Variants in NBAS observed in about 807,000 individuals in gnomAD.
NBAS encodes the protein NBAS subunit of NRZ tethering complex.
In NBAS, 219 loss-of-function variants were observed where a neutral mutation model predicts 302.5. That is an observed-to-expected ratio of 0.72 (90% CI 0.65 to 0.81). The LOEUF (loss-of-function observed/expected upper bound fraction) is 0.81, where lower values mean the gene tolerates loss of function less well. Among genes scored for constraint, NBAS ranks in the 30% least tolerant of loss-of-function variants. The probability of loss-of-function intolerance (pLI) is 0.00; values close to 1 mark genes in which losing one functional copy is unlikely to be tolerated. For synonymous variants in NBAS, 1,118 were observed against 1,021.6 expected (o/e 1.09, Z -1.80); for missense variants, 2,932 against 2,841.6 (o/e 1.03, Z -0.72).
At chr2:14,964,394 C>G in the NBAS span, among the ~76,000 whole-genome samples, 5 of 152,086 alleles carry the variant, frequency 3.3e-5, no homozygotes, top group Non-Finnish European at 1.5e-5. Flanking sequence ...GGATGAATGG[C>G]AGTTTAGACA....
At chr2:15,158,401 C>A in the NBAS span, among the ~76,000 whole-genome samples, 1 of 152,188 alleles carries the variant, frequency 6.6e-6, no homozygotes, top group Non-Finnish European at 1.5e-5. Context: ...GACACAAAGG[C>A]CCCTGCCTGG....
At chr2:14,913,740 G>C in the NBAS span, among the ~76,000 whole-genome samples, 5 of 152,160 alleles carry the variant, frequency 3.3e-5, no homozygotes, top group Admixed American at 2.6e-4. Context: ...CCCATGAAGA[G>C]TGATGAGGGC....
At chr2:15,131,133 T>C in the NBAS span, among the ~76,000 whole-genome samples, 2 of 152,222 alleles carry the variant, frequency 1.3e-5, no homozygotes, top group African/African-American at 4.8e-5. Context: ...ATCTCTGGAT[T>C]CACAACTCTG....
At chr2:15,184,212 T>C (rs1169034136) in intron 50 of NBAS, among the ~76,000 whole-genome samples, 1 of 152,140 alleles carries the variant, frequency 6.6e-6, no homozygotes, top group Non-Finnish European at 1.5e-5. Context: ...ACATATCAAG[T>C]GGTCCCTATA....
intron 37 of NBAS, 53 bp from the exon 38 acceptor site, chr2:15,327,923 A>T: frequency 1.2e-6 from 2 of 1,606,234 alleles, no homozygotes; most frequent in South Asian, 2.2e-5. Flanking sequence ...TGTCCTACAA[A>T]CATATGCTTA....
the NBAS span, among the ~76,000 whole-genome samples, chr2:15,010,575 GA>G: frequency 6.6e-6 from 1 of 152,148 alleles, no homozygotes; most frequent in African/African-American, 2.4e-5. Context: ...TCCTCAAAGT[GA>G]AACCACCTTT....
the NBAS span, among the ~76,000 whole-genome samples, chr2:15,037,383 C>G: frequency 1.3e-5 from 2 of 150,636 alleles, no homozygotes; most frequent in Non-Finnish European, 3.0e-5. Context: ...CTACCACTGC[C>G]GACAGAAACT....
chr2:15,180,363 C>T (rs1475329189), intron 50 of NBAS: 1 of 152,260 alleles, frequency 6.6e-6, no homozygotes, highest in African/African-American at 2.4e-5. Flanking sequence ...TTGTAAAACA[C>T]ATTCCTCATA....
chr2:15,221,868 G>T (rs994089555), intron 47 of NBAS, among the ~76,000 whole-genome samples: 5 of 152,186 alleles, frequency 3.3e-5, no homozygotes, highest in Non-Finnish European at 7.3e-5. Flanking sequence ...TGAATACAAG[G>T]CTGAAAAGGC....
At chr2:15,001,250 T>C in the NBAS span, among the ~76,000 whole-genome samples, 1 of 152,004 alleles carries the variant, frequency 6.6e-6, no homozygotes, top group Non-Finnish European at 1.5e-5. Context: ...TATATACACA[T>C]ATAGAGAGAG....
the NBAS span, among the ~76,000 whole-genome samples, chr2:15,142,942 A>T: frequency 0.32 from 49,204 of 152,110 alleles, 8,645 homozygotes; most frequent in African/African-American, 0.47. Flanking sequence ...AAGGGTGCCC[A>T]AAGAGTCATC....
At chr2:15,124,237 G>A in the NBAS span, among the ~76,000 whole-genome samples, 1 of 152,160 alleles carries the variant, frequency 6.6e-6, no homozygotes, top group African/African-American at 2.4e-5. Flanking sequence ...TTTCTAGACA[G>A]CAATCTGCCC....
intron 44 of NBAS, among the ~76,000 whole-genome samples, 175 bp downstream of exon 44, chr2:15,275,308 GA>G (rs905992618): frequency 2.0e-5 from 3 of 151,712 alleles, no homozygotes; most frequent in African/African-American, 4.8e-5. Context: ...CTACAATAGA[GA>G]AAAAAAATTT....
chr2:15,439,014 G>A (rs556112938), intron 21 of NBAS, among the ~76,000 whole-genome samples: 66 of 152,182 alleles, frequency 4.3e-4, no homozygotes, highest in African/African-American at 1.4e-3. Flanking sequence ...AATATTACCC[G>A]GCCGGGCACG....
At chr2:15,121,052 C>T in the NBAS span, among the ~76,000 whole-genome samples, 2 of 152,132 alleles carry the variant, frequency 1.3e-5, no homozygotes, top group Non-Finnish European at 2.9e-5. Flanking sequence ...TGCTCAATAT[C>T]GAATTCATCT....
intron 28 of NBAS, among the ~76,000 whole-genome samples, chr2:15,391,558 C>A (rs1675605747): frequency 6.6e-6 from 1 of 151,792 alleles, no homozygotes; most frequent in African/African-American, 2.4e-5. Context: ...CATGAGGCAA[C>A]CTGAAAGGTC....
the NBAS span, among the ~76,000 whole-genome samples, chr2:14,971,414 C>T: frequency 6.6e-6 from 1 of 152,144 alleles, no homozygotes; most frequent in Non-Finnish European, 1.5e-5. Flanking sequence ...ACTTAGGAGG[C>T]TGAGGCAGGA....
intron 13 of NBAS, among the ~76,000 whole-genome samples, chr2:15,476,915 TA>T (rs1392429429): frequency 6.6e-6 from 1 of 152,182 alleles, no homozygotes; most frequent in African/African-American, 2.4e-5. Flanking sequence ...AGAGAGATTT[TA>T]AATATGGAGT....
intron 22 of NBAS, 59 bp downstream of exon 22, chr2:15,427,648 CAGGG>C (rs1328579998): frequency 1.5e-6 from 2 of 1,354,312 alleles, no homozygotes; most frequent in African/African-American, 2.9e-5. Context: ...ACCACTTTCA[CAGGG>C]CCATCAGTTC....
Sources: allele counts gnomAD v4.1 joint callset (sites outside exome capture counted in the v4.1 genomes callset), GRCh38; gene constraint gnomAD v4.1.1; transcripts MANE v1.5; gene names NCBI Gene and HGNC (gene_info 2026-07-23, HGNC 2026-07-21).